Variants in GAP43 observed in about 807,000 individuals in gnomAD.
GAP43 encodes the protein growth associated protein 43.
GAP43 carries 6 observed loss-of-function variants against 18.6 expected under a neutral mutation model. The ratio of observed to expected loss-of-function variants is 0.32; its 90% CI spans 0.18 to 0.64. GAP43 has a LOEUF of 0.64. GAP43 is among the 30% of genes least tolerant of loss of function. The probability of loss-of-function intolerance (pLI) is 0.78; values close to 1 mark genes in which losing one functional copy is unlikely to be tolerated. For missense variants in GAP43, 292 were observed against 295.5 expected, an observed-to-expected ratio of 0.99 and a Z score of 0.09; for synonymous variants, 115 against 111.4, an observed-to-expected ratio of 1.03 and a Z score of -0.20.
In GAP43 at chr3:115,656,888, G is replaced by A. The variant is rs189059665; in HGVS notation, c.31-19125G>A. Reference sequence around the variant, plus strand: ...AAACATAGAAGAAAATAATGTTACTGGGCTTCGGAGTGTAATAGAACCATT... The same window carrying A: ...AAACATAGAAGAAAATAATGTTACTAGGCTTCGGAGTGTAATAGAACCATT... On this transcript the variant is annotated intron_variant, in intron 1 of 2. Transcript: ENST00000305124. 2.6e-5 allele frequency among the ~76,000 whole-genome samples: 4 copies of A among 152,258 alleles called. No individual in the cohort carries two copies. The East Asian group carries it at 7.7e-4, about 29-fold the overall frequency.
intron 1 of GAP43, among the ~76,000 whole-genome samples, chr3:115,624,626 CAG>C (rs1241039445): frequency 2.0e-5 from 3 of 152,110 alleles, no homozygotes; most frequent in Non-Finnish European, 4.4e-5. Context: ...TAGCAAGAAT[CAG>C]AGCCCCTCCT....
At chr3:115,649,318 A>C (rs928872222) in intron 1 of GAP43, among the ~76,000 whole-genome samples, 1 of 152,110 alleles carries the variant, frequency 6.6e-6, no homozygotes, top group African/African-American at 2.4e-5. Flanking sequence ...CACCTCCGAA[A>C]GGCCCCACCT....
At position 115,716,759 on chromosome 3, in the gene GAP43, T is replaced by TATAC. The variant is rs1553725789; in HGVS notation, c.629-4032_629-4031insCATA. On this transcript the variant is annotated intron_variant, in intron 2 of 2. Coordinates refer to ENST00000305124, the MANE Select transcript of GAP43 (RefSeq NM_002045.4). ...ATATATATATATATATATATATATA[T>TATAC]ATATATATACAGAGAGAGAGAGAGA... Among the ~76,000 whole-genome samples the TATAC allele has an allele frequency of 6.1e-4, 66 of 107,706 alleles. 2 individuals are homozygous for TATAC. The highest frequency in any genetic ancestry group is 1.4e-3 in the Admixed American group (15 of 11,006). 70.7% of individuals were successfully genotyped at this position (107,706 alleles called of 152,430 possible).
intron 2 of GAP43, among the ~76,000 whole-genome samples, chr3:115,680,698 AC>A (rs763432639): frequency 1.3e-5 from 2 of 152,190 alleles, no homozygotes; most frequent in Non-Finnish European, 2.9e-5. Context: ...TACTATAAAA[AC>A]GTTGCATATA....
intron 2 of GAP43, among the ~76,000 whole-genome samples, chr3:115,680,603 G>A (rs1472884970): frequency 1.3e-5 from 2 of 152,128 alleles, no homozygotes; most frequent in Non-Finnish European, 2.9e-5. Context: ...CTGCAGTTAG[G>A]TACAGGGCAC....
At chr3:115,692,005 C>A (rs989706516) in intron 2 of GAP43, among the ~76,000 whole-genome samples, 2 of 152,162 alleles carry the variant, frequency 1.3e-5, no homozygotes, top group African/African-American at 4.8e-5. Flanking sequence ...ATTGCCTAAG[C>A]CTGGGAACTG....
At chr3:115,626,442 T>A (rs1708189345) in intron 1 of GAP43, among the ~76,000 whole-genome samples, 1 of 152,168 alleles carries the variant, frequency 6.6e-6, no homozygotes. Context: ...CCATTAGTTA[T>A]CACTATAGAT....
intron 2 of GAP43, among the ~76,000 whole-genome samples, chr3:115,687,201 A>C (rs1709046092): frequency 2.0e-5 from 3 of 152,024 alleles, no homozygotes; most frequent in African/African-American, 7.2e-5. Context: ...AAATTTCAGA[A>C]ATTTCTCAGC....
chr3:115,647,602 G>A (rs1403214281), intron 1 of GAP43, among the ~76,000 whole-genome samples: 1 of 151,826 alleles, frequency 6.6e-6, no homozygotes, highest in African/African-American at 2.4e-5. Context: ...CAGAGAAGTG[G>A]GATAACATGG....
In GAP43 at chr3:115,719,907, A is replaced by T. The variant is rs147807053; in HGVS notation, c.629-887A>T. 9.8e-5 allele frequency among the ~76,000 whole-genome samples: 15 copies of T among 152,308 alleles called. No homozygotes were observed. The East Asian group carries it at 2.9e-3, about 29-fold the overall frequency. ...ATATTAGTAAACTATCAGGGAGCAT[A>T]AAATCAGTTGACTGAGTTCTGTCGG... On this transcript the variant is annotated intron_variant, in intron 2 of 2. Coordinates refer to ENST00000305124, the MANE Select transcript of GAP43 (RefSeq NM_002045.4).
chr3:115,665,313 T>C (rs1402199987), intron 1 of GAP43, among the ~76,000 whole-genome samples: 1 of 152,214 alleles, frequency 6.6e-6, no homozygotes, highest in Non-Finnish European at 1.5e-5. Flanking sequence ...CAAGTAGTCC[T>C]AGAGCTGATA....
intron 1 of GAP43, among the ~76,000 whole-genome samples, chr3:115,649,414 A>G (rs1708496804): frequency 6.6e-6 from 1 of 152,158 alleles, no homozygotes; most frequent in African/African-American, 2.4e-5. Context: ...TCGAATGGAG[A>G]AAGAGAAATG....
chr3:115,686,313 A>T (rs1221274709), intron 2 of GAP43, among the ~76,000 whole-genome samples: 1 of 152,244 alleles, frequency 6.6e-6, no homozygotes, highest in Non-Finnish European at 1.5e-5. Flanking sequence ...GTACATATAT[A>T]TGTGATGCCA....
Position 115,651,897 on chromosome 3 carries a change from A to C in GAP43, c.31-24116A>C, listed in dbSNP as rs572008205. Among the ~76,000 whole-genome samples, 4 of 151,872 alleles carry C rather than the reference A, an allele frequency of 2.6e-5. No individual in the cohort carries two copies. In the South Asian group the frequency reaches 8.3e-4, roughly 32 times the overall value. ...CCTGTTCTGGCCCTCTTCAATTGTT[A>C]CTCTCCTCCTCTAAGCTGGTTTTAC... On this transcript the variant is annotated intron_variant, in intron 1 of 2. Coordinates refer to ENST00000305124, the MANE Select transcript of GAP43 (RefSeq NM_002045.4).
chr3:115,658,720 C>T (rs1283513637), intron 1 of GAP43: 1 of 152,242 alleles, frequency 6.6e-6, no homozygotes, highest in African/African-American at 2.4e-5. Flanking sequence ...TCCCCGAACA[C>T]CCGGGAGTTC....
chr3:115,648,845 A>G (rs1708491048), intron 1 of GAP43, among the ~76,000 whole-genome samples: 2 of 152,176 alleles, frequency 1.3e-5, no homozygotes. Context: ...AAGCTCTAAA[A>G]TAAATGGTCA....
At chr3:115,696,434 T>C (rs1467992889) in intron 2 of GAP43, among the ~76,000 whole-genome samples, 1 of 152,058 alleles carries the variant, frequency 6.6e-6, no homozygotes, top group Non-Finnish European at 1.5e-5. Context: ...CCCATCTCAC[T>C]TCAGCAAAAG....
intron 2 of GAP43, among the ~76,000 whole-genome samples, chr3:115,684,878 A>T (rs1559800858): frequency 6.6e-6 from 1 of 152,194 alleles, no homozygotes; most frequent in Non-Finnish European, 1.5e-5. Context: ...TTATCCAATG[A>T]AAAGAGACGT....
intron 1 of GAP43, among the ~76,000 whole-genome samples, chr3:115,630,906 A>G (rs1708252768): frequency 6.6e-6 from 1 of 152,148 alleles, no homozygotes; most frequent in African/African-American, 2.4e-5. Context: ...CACATCTTAG[A>G]TTCTCAATAA....
Sources: gnomAD v4.1 joint callset for allele counts (sites outside exome capture counted in the v4.1 genomes callset) on GRCh38, gnomAD v4.1.1 for gene constraint, MANE v1.5 for transcripts, NCBI Gene and HGNC (gene_info 2026-07-23, HGNC 2026-07-21) for gene names.